The following KDM4B variants were observed in gnomAD, a reference collection of about 807,000 sequenced individuals.
KDM4B encodes lysine-specific demethylase 4B.
A neutral mutation model predicts 125.2 loss-of-function variants in KDM4B; 32 were observed. The ratio of observed to expected loss-of-function variants is 0.26; its 90% confidence interval spans 0.19 to 0.34. The LOEUF (loss-of-function observed/expected upper bound fraction) is 0.34, where lower values mean the gene tolerates loss of function less well. Among genes scored for constraint, KDM4B ranks in the 10% least tolerant of loss-of-function variants. KDM4B has a pLI of 1.00. For missense variants in KDM4B, 1,190 were observed against 1,577.7 expected, an observed-to-expected ratio of 0.75 and a Z score of 4.16; for synonymous variants, 721 against 677.9, an observed-to-expected ratio of 1.06 and a Z score of -0.99.
At chr19:4,994,664 TG>T (rs536558447) in intron 1 of KDM4B, among the ~76,000 whole-genome samples, 115 of 152,024 alleles carry the variant, frequency 7.6e-4, no homozygotes, top group Admixed American at 1.3e-3. Context: ...TGACAATTTC[TG>T]TCTTTTGATT....
chr19:5,132,583 G>A (rs531417181), intron 13 of KDM4B, among the ~76,000 whole-genome samples: 11 of 152,236 alleles, frequency 7.2e-5, no homozygotes, highest in South Asian at 6.2e-4. Context: ...ATCACAGGGC[G>A]GGAGCTCCCA....
rs1024315197 is a variant in KDM4B at position 4,983,137 on chromosome 19, T to TTTC, written c.-109+13909_-109+13910insCTT. Among the ~76,000 whole-genome samples, 10 of 146,736 alleles carry TTTC rather than the reference T, an allele frequency of 6.8e-5. 1 individual carries two copies. Among genetic ancestry groups the TTTC allele is most frequent in the African/African-American group, 2.2e-4 (9 of 40,530 alleles). ...TGTTTCACACTGCTTTTTCTTTTCT[T>TTTC]TTTTTTTTTTTTTTGGGTGCTGTCT... is the stretch of plus-strand genomic sequence containing the variant. On this transcript the variant is annotated intron_variant, in intron 1 of 22. Transcript: ENST00000159111.
intron 6 of KDM4B, among the ~76,000 whole-genome samples, chr19:5,055,246 G>A (rs936613906): frequency 1.3e-5 from 2 of 152,204 alleles, no homozygotes; most frequent in Admixed American, 6.5e-5. Context: ...GGGGCACATC[G>A]GGGCACTCAC....
At chr19:5,061,207 G>A (rs939197317) in intron 6 of KDM4B, among the ~76,000 whole-genome samples, 15 of 152,316 alleles carry the variant, frequency 9.8e-5, no homozygotes, top group Admixed American at 2.0e-4. Context: ...CTGCTGCTCC[G>A]CTTTGTCGGG....
chr19:5,035,880 T>TGTGTGTGTGC lies in KDM4B; in HGVS notation c.141+2850_141+2851insTGTGTGTGCG, dbSNP rs58219404. Among the ~76,000 whole-genome samples the TGTGTGTGTGC allele has an allele frequency of 0.19, 26,081 of 135,962 alleles. 2,898 individuals carry two copies. The highest frequency in any genetic ancestry group is 0.26 in the Non-Finnish European group (16,312 of 62,068). 89.2% of individuals were successfully genotyped at this position (135,962 alleles called of 152,430 possible). ...ACGTGTCTCTGTGTGTGTGTGTGTG[T>TGTGTGTGTGC]GCGCGCGCGCGCGCGCCTGCGCGCA... On this transcript the variant is annotated intron_variant, in intron 3 of 22. Transcript: ENST00000159111. The surrounding 1 kb of genome is among the most constrained non-coding windows in gnomAD (Gnocchi z 5.3).
In KDM4B at chr19:5,144,355, C is replaced by T. The variant is rs376141366; in HGVS notation, c.2844C>T (p.Tyr948=). 2.0e-4 allele frequency: 297 copies of T among 1,455,194 alleles called. No homozygotes were observed. The highest frequency in any genetic ancestry group is 2.6e-4 in the Non-Finnish European group (287 of 1,094,568). The allele number at this position is 1,455,194 out of a possible 1,614,324, so 90.1% of individuals were successfully genotyped here. A position where few individuals can be genotyped will look rare whatever the true frequency, so the allele number is the denominator to read the frequency against. Residue 948 remains tyrosine (Y), a synonymous_variant, in exon 20 of 23, where the codon TAC becomes TAT. Transcript: ENST00000159111. ...TCGGTGCCGCCTCGCAGACCTGCTA[C>T]GAAGTGAACTTCGACGATGGCTCCT... ...RVIGAASQTC[Y]EVNFDDGSYS...
intron 2 of KDM4B, among the ~76,000 whole-genome samples, chr19:5,023,970 C>G (rs909878440): frequency 7.2e-5 from 11 of 151,926 alleles, no homozygotes; most frequent in Admixed American, 2.0e-4. Flanking sequence ...CAGGCTCATC[C>G]TGAACATCTA....
chr19:4,982,916 G>C (rs1339855188), intron 1 of KDM4B, among the ~76,000 whole-genome samples: 10 of 152,112 alleles, frequency 6.6e-5, no homozygotes, highest in Non-Finnish European at 1.5e-4. Flanking sequence ...TGGCCTAAAA[G>C]TGATGTATGT....
intron 9 of KDM4B, among the ~76,000 whole-genome samples, chr19:5,086,908 G>T (rs556370010): frequency 1.8e-4 from 28 of 152,350 alleles, no homozygotes; most frequent in African/African-American, 6.5e-4. Flanking sequence ...GCTCTCCAAG[G>T]TTCCCCCGGC....
At chr19:4,987,101 G>T (rs575064117) in intron 1 of KDM4B, among the ~76,000 whole-genome samples, 6 of 151,924 alleles carry the variant, frequency 3.9e-5, no homozygotes, top group African/African-American at 1.4e-4. Flanking sequence ...TGGGATCACA[G>T]GCGCCCGCCA....
chr19:5,033,370 G>A (rs1001571486), intron 3 of KDM4B, among the ~76,000 whole-genome samples: 1 of 152,188 alleles, frequency 6.6e-6, no homozygotes, highest in African/African-American at 2.4e-5. Flanking sequence ...ACTGAGGGAC[G>A]CCTTCCAGGG....
At chr19:5,020,883 A>C (rs1599432161) in intron 2 of KDM4B, among the ~76,000 whole-genome samples, 1 of 152,146 alleles carries the variant, frequency 6.6e-6, no homozygotes, top group Non-Finnish European at 1.5e-5. Flanking sequence ...GTGGTGGCTC[A>C]CGCCTGTCAT....
At chr19:5,086,293 G>A (rs1428406218) in intron 9 of KDM4B, among the ~76,000 whole-genome samples, 1 of 151,652 alleles carries the variant, frequency 6.6e-6, no homozygotes, top group Non-Finnish European at 1.5e-5. Flanking sequence ...TGAATTTTGG[G>A]TGTCTGTGTT....
At chr19:5,084,082 A>G (rs1444189367) in intron 9 of KDM4B, among the ~76,000 whole-genome samples, 1 of 151,934 alleles carries the variant, frequency 6.6e-6, no homozygotes, top group Admixed American at 6.6e-5. Context: ...CCCTGTCTCT[A>G]CTAAAAACAC....
chr19:5,015,167 C>T (rs957341180), intron 1 of KDM4B, among the ~76,000 whole-genome samples: 1 of 152,182 alleles, frequency 6.6e-6, no homozygotes, highest in East Asian at 1.9e-4. Flanking sequence ...CGGTGGAGCT[C>T]TGAGACGAGG....
chr19:5,145,020 G>A, intron 21 of KDM4B, 118 bp downstream of exon 21: 2 of 1,397,496 alleles, frequency 1.4e-6, no homozygotes, highest in Non-Finnish European at 2.0e-6. Flanking sequence ...GGCGGGTGTG[G>A]GCCATGGTTA....
chr19:5,137,738 C>T, intron 17 of KDM4B, 62 bp downstream of exon 17: 2 of 1,462,986 alleles, frequency 1.4e-6, no homozygotes, highest in Non-Finnish European at 1.8e-6. Flanking sequence ...GGCTGAGGCT[C>T]TGCAGGGTGT....
intron 1 of KDM4B, among the ~76,000 whole-genome samples, chr19:4,978,357 C>T (rs1271769247): frequency 2.6e-5 from 4 of 151,486 alleles, no homozygotes; most frequent in African/African-American, 7.3e-5. Flanking sequence ...AAATGCAAAA[C>T]TTAGCCGGGC....
chr19:5,037,063 C>T (rs541905051), intron 3 of KDM4B, among the ~76,000 whole-genome samples: 56 of 152,330 alleles, frequency 3.7e-4, no homozygotes, highest in African/African-American at 1.3e-3. Context: ...TAGCCCGAGG[C>T]GTTCTTTCAA....
Sources: gnomAD v4.1 joint callset for allele counts (sites outside exome capture counted in the v4.1 genomes callset) on GRCh38, gnomAD v4.1.1 for gene constraint, Gnocchi (gnomAD v3.1) non-coding constraint, MANE v1.5 for transcripts, NCBI Gene and HGNC (gene_info 2026-07-23, HGNC 2026-07-21) for gene names.